ADAMTS12: variants seen among roughly 807,000 people sequenced by gnomAD.
ADAMTS12 encodes ADAM metallopeptidase with thrombospondin type 1 motif 12.
Under a neutral mutation model 167.8 loss-of-function variants are expected in ADAMTS12, and 118 were observed. That is an observed-to-expected ratio of 0.70 (90% CI 0.61 to 0.82). The LOEUF (loss-of-function observed/expected upper bound fraction) is 0.82, where lower values mean the gene tolerates loss of function less well. ADAMTS12 is among the 40% of genes least tolerant of loss of function. The pLI, the probability that ADAMTS12 is intolerant of heterozygous loss-of-function variation, is 0.00. For missense variants in ADAMTS12, 1,916 were observed against 1,998.8 expected, an observed-to-expected ratio of 0.96 and a Z score of 0.79; for synonymous variants, 704 against 716.9, an observed-to-expected ratio of 0.98 and a Z score of 0.29.
At chr5:33,856,626 A>G (rs1315084789) in intron 2 of ADAMTS12, among the ~76,000 whole-genome samples, 3 of 152,104 alleles carry the variant, frequency 2.0e-5, no homozygotes, top group African/African-American at 7.2e-5. Flanking sequence ...AAAAAAGCAT[A>G]CAAGTAGCAA....
intron 18 of ADAMTS12, 72 bp downstream of exon 18, chr5:33,588,527 G>T: frequency 1.3e-6 from 2 of 1,567,296 alleles, no homozygotes; most frequent in Non-Finnish European, 1.8e-6. Flanking sequence ...CTTTGGATTG[G>T]ATAATGAGAA....
intron 2 of ADAMTS12, among the ~76,000 whole-genome samples, chr5:33,782,352 TTAGCAC>T (rs752988421): frequency 8.1e-4 from 123 of 152,112 alleles, no homozygotes; most frequent in Non-Finnish European, 1.1e-3. Flanking sequence ...AAATATTTGG[TTAGCAC>T]AAAGCAAGGC....
At chr5:33,652,838 C>G (rs1191435916) in intron 7 of ADAMTS12, among the ~76,000 whole-genome samples, 1 of 152,094 alleles carries the variant, frequency 6.6e-6, no homozygotes. Flanking sequence ...GTGTGGCTAT[C>G]CAATTTTGCC....
intron 18 of ADAMTS12, among the ~76,000 whole-genome samples, chr5:33,580,979 C>T (rs115746865): frequency 6.6e-6 from 1 of 152,142 alleles, no homozygotes; most frequent in South Asian, 2.1e-4. Context: ...CCCAGGATTG[C>T]CATTCCTTAG....
rs777936614 is a variant in ADAMTS12, at chr5:33,546,096, T to A, written c.4409A>T (p.His1470Leu). 3.7e-6 allele frequency: 6 copies of A among 1,613,366 alleles called. No individual in the cohort carries two copies. Among genetic ancestry groups the A allele is most frequent in the Non-Finnish European group, 5.1e-6 (6 of 1,179,886 alleles). The change falls in exon 22 of 24, where the codon CAC becomes CTC. Residue 1470 changes from histidine to leucine, a missense_variant. His to Leu is a moderately conservative substitution (Grantham distance 99). Transcript: ENST00000504830. ...RPTSTMSCNE[H>L]LCCHWATGNW... Reference sequence around the variant, plus strand: ...CCCAGTGGCCCAGTGACAGCACAGGTGCTCATTGCAAGACATGGTGGATGT... The same window carrying A: ...CCCAGTGGCCCAGTGACAGCACAGGAGCTCATTGCAAGACATGGTGGATGT...
intron 2 of ADAMTS12, among the ~76,000 whole-genome samples, chr5:33,794,991 C>G (rs757661127): frequency 6.6e-6 from 1 of 152,106 alleles, no homozygotes; most frequent in Non-Finnish European, 1.5e-5. Flanking sequence ...TAAAAAGTGA[C>G]CAAGTTTTTT....
At chr5:33,755,727 C>A (rs1190776836) in intron 2 of ADAMTS12, among the ~76,000 whole-genome samples, 1 of 152,168 alleles carries the variant, frequency 6.6e-6, no homozygotes, top group Non-Finnish European at 1.5e-5. Context: ...CATGAAGGCA[C>A]CCCAGACTTG....
intron 5 of ADAMTS12, among the ~76,000 whole-genome samples, chr5:33,667,409 T>G (rs911763769): frequency 3.3e-5 from 5 of 152,236 alleles, no homozygotes; most frequent in South Asian, 2.1e-4. Flanking sequence ...AATAATTCTG[T>G]ATGGTTGCAA....
At chr5:33,641,770 C>T (rs762134254) in intron 11 of ADAMTS12, 40 bp downstream of exon 11, 3 of 1,518,396 alleles carry the variant, frequency 2.0e-6, no homozygotes, top group Non-Finnish European at 2.7e-6. Flanking sequence ...CCGCCCCCAG[C>T]ACATGTGGAG....
At chr5:33,855,859 T>C (rs937516363) in intron 2 of ADAMTS12, among the ~76,000 whole-genome samples, 1 of 152,124 alleles carries the variant, frequency 6.6e-6, no homozygotes, top group African/African-American at 2.4e-5. Context: ...CCGACGTAGT[T>C]GGGACTATAG....
At chr5:33,758,005 C>T (rs1408978099) in intron 2 of ADAMTS12, among the ~76,000 whole-genome samples, 4 of 152,088 alleles carry the variant, frequency 2.6e-5, no homozygotes, top group Non-Finnish European at 4.4e-5. Context: ...TAACTGAAGC[C>T]TACGCCTCAG....
chr5:33,715,610 T>C (rs1288530498), intron 3 of ADAMTS12, among the ~76,000 whole-genome samples: 1 of 152,170 alleles, frequency 6.6e-6, no homozygotes, highest in Non-Finnish European at 1.5e-5. Context: ...TCGGCTTTTG[T>C]AGTTGCTCAG....
chr5:33,836,264 C>T (rs1441464571), intron 2 of ADAMTS12, among the ~76,000 whole-genome samples: 2 of 152,022 alleles, frequency 1.3e-5, no homozygotes, highest in Non-Finnish European at 2.9e-5. Context: ...AGGAGGGGGC[C>T]GGGCCAATTT....
intron 3 of ADAMTS12, among the ~76,000 whole-genome samples, chr5:33,742,576 C>T (rs1744630830): frequency 6.6e-6 from 1 of 152,188 alleles, no homozygotes; most frequent in Non-Finnish European, 1.5e-5. Flanking sequence ...ATACCTGCAG[C>T]ACCACACTGT....
chr5:33,869,466 C>T (rs1749956792), intron 2 of ADAMTS12, among the ~76,000 whole-genome samples: 1 of 152,056 alleles, frequency 6.6e-6, no homozygotes, highest in African/African-American at 2.4e-5. Flanking sequence ...GGCTGGAACC[C>T]TACACAGGGT....
At position 33,633,770 on chromosome 5, in the gene ADAMTS12, A is replaced by T. The variant is rs185051038; in HGVS notation, c.1889-2857T>A. Among the ~76,000 whole-genome samples the T allele has an allele frequency of 2.0e-5, 3 of 152,246 alleles. No homozygotes were observed. In the East Asian group the frequency reaches 5.8e-4, roughly 29 times the overall value. On this transcript the variant is annotated intron_variant, in intron 12 of 23. Coordinates refer to ENST00000504830, the MANE Select transcript of ADAMTS12 (RefSeq NM_030955.4). ...TTGGGAGTCATCACTGGTATCAGAG[A>T]TTCTCTGTGCCGGACATCAACCTTG...
intron 17 of ADAMTS12, among the ~76,000 whole-genome samples, chr5:33,589,690 G>T (rs1033943366): frequency 2.6e-5 from 4 of 152,040 alleles, no homozygotes; most frequent in Non-Finnish European, 5.9e-5. Context: ...CCTGTGTACA[G>T]CCCGCTTGTC....
Position 33,527,263 on chromosome 5 carries a change from C to T in ADAMTS12, c.4710G>A (p.Ser1570=), listed in dbSNP as rs200349143. The change falls in exon 24 of 24, where the codon TCG becomes TCA. Residue 1570 remains serine (S), a synonymous_variant. Transcript: ENST00000504830. ...TGTGTGTGATGTGTGTCTGGGGACA[C>T]GAGAAGCAGCACTCAGCCCTCACGG... The part of the protein sequence containing the change: ...VPTVRAECCF[S]CPQTHITHTQ... The T allele has an allele frequency of 2.0e-5, 33 of 1,613,818 alleles. No homozygotes were observed. Among genetic ancestry groups the T allele is most frequent in the Middle Eastern group, 1.6e-4 (1 of 6,084 alleles).
intron 2 of ADAMTS12, among the ~76,000 whole-genome samples, chr5:33,774,261 A>G (rs1301315545): frequency 2.0e-5 from 3 of 152,182 alleles, no homozygotes; most frequent in African/African-American, 7.2e-5. Context: ...CCCATGGACA[A>G]TTAGAAGTCC....
Sources: allele counts gnomAD v4.1 joint callset (sites outside exome capture counted in the v4.1 genomes callset), GRCh38; gene constraint gnomAD v4.1.1; transcripts MANE v1.5; gene names NCBI Gene and HGNC (gene_info 2026-07-23, HGNC 2026-07-21).